Variants in CWC27 observed in about 807,000 individuals in gnomAD.
The protein encoded by CWC27 is spliceosome-associated protein CWC27 homolog.
A neutral mutation model predicts 63.6 loss-of-function variants in CWC27; 47 were observed. That is an observed-to-expected ratio of 0.74 (90% confidence interval 0.58 to 0.94). The LOEUF (loss-of-function observed/expected upper bound fraction) is 0.94, where lower values mean the gene tolerates loss of function less well. CWC27 is among the 40% of genes least tolerant of loss of function. The pLI is 0.00. For synonymous variants in CWC27, 175 were observed against 179.8 expected, an observed-to-expected ratio of 0.97 and a Z score of 0.22; for missense variants, 495 against 554.3, an observed-to-expected ratio of 0.89 and a Z score of 1.07.
At chr5:64,972,169 C>A (rs1749138910) in intron 12 of CWC27, among the ~76,000 whole-genome samples, 1 of 152,120 alleles carries the variant, frequency 6.6e-6, no homozygotes, top group African/African-American at 2.4e-5. Context: ...AGAGTCTCTT[C>A]CAGCCCGACA....
intron 2 of CWC27, among the ~76,000 whole-genome samples, chr5:64,781,059 C>T (rs1316012651): frequency 2.0e-5 from 3 of 152,148 alleles, no homozygotes; most frequent in African/African-American, 7.2e-5. Context: ...AGATGCCATG[C>T]TTCTGCCATT....
intron 11 of CWC27, among the ~76,000 whole-genome samples, chr5:64,942,173 C>T (rs1461237627): frequency 6.6e-6 from 1 of 151,536 alleles, no homozygotes; most frequent in African/African-American, 2.4e-5. Flanking sequence ...TGCCTATAAT[C>T]CCAATATTTT....
intron 11 of CWC27, among the ~76,000 whole-genome samples, chr5:64,890,077 A>G (rs958941712): frequency 1.5e-4 from 23 of 152,356 alleles, no homozygotes; most frequent in South Asian, 8.3e-4. Context: ...AGGTTTGGAC[A>G]TATTCTCTAA....
At chr5:64,954,650 C>CTATA (rs10645565) in intron 11 of CWC27, among the ~76,000 whole-genome samples, 3,865 of 146,238 alleles carry the variant, frequency 0.026, 61 homozygotes, top group Non-Finnish European at 0.038. Flanking sequence ...ATAGAAAGCA[C>CTATA]TATATATATA....
At chr5:64,789,361 G>T (rs554329200) in intron 7 of CWC27, among the ~76,000 whole-genome samples, 1 of 152,104 alleles carries the variant, frequency 6.6e-6, no homozygotes, top group African/African-American at 2.4e-5. Flanking sequence ...AACAGTCACA[G>T]ACCAAAACTC....
chr5:64,824,907 T>C (rs1011838704), intron 10 of CWC27, among the ~76,000 whole-genome samples: 3 of 151,824 alleles, frequency 2.0e-5, no homozygotes, highest in African/African-American at 7.3e-5. Flanking sequence ...TAATTTTTTC[T>C]ATTTTTAGTA....
At chr5:64,818,974 C>CTCCT (rs1283865739) in intron 10 of CWC27, among the ~76,000 whole-genome samples, 7 of 152,244 alleles carry the variant, frequency 4.6e-5, no homozygotes, top group Non-Finnish European at 1.0e-4. Flanking sequence ...AAGATATTTG[C>CTCCT]TCCTAGGTTT....
intron 11 of CWC27, among the ~76,000 whole-genome samples, chr5:64,910,194 G>A (rs1747754776): frequency 6.6e-6 from 1 of 152,228 alleles, no homozygotes; most frequent in African/African-American, 2.4e-5. Flanking sequence ...TCCCTCAGCT[G>A]CAGGTCTGTT....
rs552310416 is a variant in CWC27 at position 64,990,554 on chromosome 5, C to T, written c.1256+13316C>T. 5.8e-4 allele frequency among the ~76,000 whole-genome samples: 27 copies of T among 46,598 alleles called. 10 individuals are homozygous for T. The highest frequency in any genetic ancestry group is 3.0e-4 in the Non-Finnish European group (6 of 20,146). 30.6% of individuals were successfully genotyped at this position (46,598 alleles called of 152,430 possible). On this transcript the variant is annotated intron_variant, in intron 13 of 13. Coordinates refer to ENST00000381070, the MANE Select transcript of CWC27 (RefSeq NM_005869.4). ...TGCTGGGATTACAGGCGTGAGCCAC[C>T]GCGCCCGGCCGAGTTTTTATTTGTT...
At chr5:64,999,350 G>T (rs1749692224) in intron 13 of CWC27, among the ~76,000 whole-genome samples, 1 of 151,840 alleles carries the variant, frequency 6.6e-6, no homozygotes, top group Non-Finnish European at 1.5e-5. Context: ...CTTTATGTTG[G>T]GAACTTTTGA....
chr5:64,913,426 A>G (rs1747830176), intron 11 of CWC27, among the ~76,000 whole-genome samples: 3 of 152,042 alleles, frequency 2.0e-5, no homozygotes, highest in Non-Finnish European at 4.4e-5. Context: ...AAAGGAAGAA[A>G]CTGTTTTCTT....
intron 10 of CWC27, among the ~76,000 whole-genome samples, chr5:64,864,498 T>C (rs1011484838): frequency 5.3e-5 from 8 of 152,266 alleles, no homozygotes; most frequent in Non-Finnish European, 4.4e-5. Flanking sequence ...AAACAACAAA[T>C]GCTCCCACTA....
In CWC27 at chr5:64,891,771, TTTGTTGTTGTTGTTG is replaced by T. The variant is rs56101875; in HGVS notation, c.1042+6255_1042+6269del. On this transcript the variant is annotated intron_variant, in intron 11 of 13. Transcript: ENST00000381070. ...GACCTCCTAGTGTTGCTTGGGATAC[TTTGTTGTTGTTGTTG>T]TTGTTGTTGTTGTTGTTGTTGTTGT... 1.5e-3 allele frequency among the ~76,000 whole-genome samples: 219 copies of T among 147,744 alleles called. 1 individual carries two copies. The highest frequency in any genetic ancestry group is 5.0e-3 in the African/African-American group (200 of 39,974).
At chr5:64,872,908 T>C (rs892222154) in intron 10 of CWC27, among the ~76,000 whole-genome samples, 2 of 152,188 alleles carry the variant, frequency 1.3e-5, no homozygotes, top group African/African-American at 4.8e-5. Context: ...ATTAGTATTC[T>C]GTACTCTTTC....
In CWC27 at chr5:64,926,383, A is replaced by T. The variant is rs183118782; in HGVS notation, c.1042+40837A>T. On this transcript the variant is annotated intron_variant, in intron 11 of 13. Transcript: ENST00000381070. ...CCAAACATATAGCCAATTTTCAGTA[A>T]TCCACAATACAGATTTCAGTCATAT... Among the ~76,000 whole-genome samples the T allele has an allele frequency of 6.6e-5, 10 of 151,428 alleles. No individual in the cohort carries two copies. In the East Asian group the frequency reaches 1.5e-3, roughly 23 times the overall value.
chr5:64,935,947 T>G (rs1748342513), intron 11 of CWC27, among the ~76,000 whole-genome samples: 1 of 152,234 alleles, frequency 6.6e-6, no homozygotes, highest in African/African-American at 2.4e-5. Flanking sequence ...GCACATTTAT[T>G]TTGTATCCTG....
intron 11 of CWC27, among the ~76,000 whole-genome samples, chr5:64,963,163 T>C (rs1748950058): frequency 6.6e-6 from 1 of 152,096 alleles, no homozygotes; most frequent in South Asian, 2.1e-4. Flanking sequence ...GGTTTTGCCA[T>C]GTTGCCCAGG....
chr5:64,903,658 T>C (rs936464367), intron 11 of CWC27, among the ~76,000 whole-genome samples: 3 of 152,046 alleles, frequency 2.0e-5, no homozygotes, highest in Non-Finnish European at 2.9e-5. Context: ...CAAACCTGCA[T>C]GTTCTGCACA....
At chr5:64,890,758 A>T (rs1215212636) in intron 11 of CWC27, among the ~76,000 whole-genome samples, 1 of 152,212 alleles carries the variant, frequency 6.6e-6, no homozygotes, top group East Asian at 1.9e-4. Context: ...TTTCTAAGCT[A>T]AAAACCAATT....
Sources: allele counts gnomAD v4.1 joint callset (sites outside exome capture counted in the v4.1 genomes callset), GRCh38; gene constraint gnomAD v4.1.1; transcripts MANE v1.5; gene names NCBI Gene and HGNC (gene_info 2026-07-23, HGNC 2026-07-21).